Variants in FILIP1L observed in about 807,000 individuals in gnomAD.
The protein encoded by FILIP1L is filamin A interacting protein 1 like, also known as filamin A-interacting protein 1-like.
Under a neutral mutation model 96.6 loss-of-function variants are expected in FILIP1L, and 55 were observed. That is an observed-to-expected ratio of 0.57 (90% CI 0.46 to 0.71). The LOEUF is 0.71. Among genes scored for constraint, FILIP1L ranks in the 30% least tolerant of loss-of-function variants. FILIP1L has a pLI of 0.00. For missense variants in FILIP1L, 1,304 were observed against 1,321.2 expected (o/e 0.99, Z 0.20); for synonymous variants, 467 against 473.9 (o/e 0.99, Z 0.19).
At chr3:99,847,408 A>G (rs1576506797) in intron 5 of FILIP1L, among the ~76,000 whole-genome samples, 1 of 151,194 alleles carries the variant, frequency 6.6e-6, no homozygotes, top group African/African-American at 2.4e-5. Context: ...GGCTGGTTCC[A>G]GATTTGGTTG....
intron 5 of FILIP1L, among the ~76,000 whole-genome samples, chr3:99,832,733 T>TTG (rs1553686293): frequency 1.4e-5 from 2 of 146,478 alleles, no homozygotes; most frequent in Non-Finnish European, 3.0e-5. Flanking sequence ...CCCAGCTACT[T>TTG]GGAGGCTAAG....
chr3:100,026,848 A>G (rs1484139900), intron 1 of FILIP1L, among the ~76,000 whole-genome samples: 1 of 152,086 alleles, frequency 6.6e-6, no homozygotes, highest in Non-Finnish European at 1.5e-5. Flanking sequence ...GTCAGATCAC[A>G]TCGCCCCACT....
intron 1 of FILIP1L, among the ~76,000 whole-genome samples, chr3:99,963,541 T>A (rs1245906700): frequency 6.6e-6 from 1 of 152,154 alleles, no homozygotes; most frequent in East Asian, 1.9e-4. Context: ...GCGGGATATT[T>A]ACATTTTGTG....
intron 1 of FILIP1L, among the ~76,000 whole-genome samples, chr3:99,988,718 A>T (rs1709426535): frequency 6.6e-6 from 1 of 152,210 alleles, no homozygotes; most frequent in East Asian, 1.9e-4. Flanking sequence ...TCCTTTAAAC[A>T]TAAAAAAAGC....
At chr3:99,914,581 G>A (rs1198316472) in intron 4 of FILIP1L, among the ~76,000 whole-genome samples, 1 of 152,158 alleles carries the variant, frequency 6.6e-6, no homozygotes, top group Admixed American at 6.5e-5. Context: ...CTCAGGTAAA[G>A]TTATAAAGTA....
In FILIP1L at chr3:99,903,868, G is replaced by A. The variant is rs112234003; in HGVS notation, c.605+20362C>T. The stretch of plus-strand genomic sequence containing the variant: ...AGAAATAAGAAATAATAGAGCTGTC[G>A]TCCCCTGCTGCTTCATTTAATGGTA... On this transcript the variant is annotated intron_variant, in intron 4 of 5. Coordinates refer to ENST00000477258, the MANE Select transcript of FILIP1L (RefSeq NM_001387850.1). 2.0e-3 allele frequency among the ~76,000 whole-genome samples: 297 copies of A among 152,074 alleles called. 1 individual carries two copies. Among genetic ancestry groups the A allele is most frequent in the African/African-American group, 6.5e-3 (271 of 41,478 alleles).
chr3:100,031,779 C>T (rs1296226789), intron 1 of FILIP1L, among the ~76,000 whole-genome samples: 1 of 152,102 alleles, frequency 6.6e-6, no homozygotes, highest in Non-Finnish European at 1.5e-5. Context: ...GGGAAACACC[C>T]CACTAGGGCA....
chr3:100,019,223 A>G (rs909429987), intron 1 of FILIP1L, among the ~76,000 whole-genome samples: 5 of 152,296 alleles, frequency 3.3e-5, no homozygotes, highest in African/African-American at 1.2e-4. Context: ...GTAGCCTGGT[A>G]TGGTGGCACA....
At chr3:99,876,135 A>C (rs1051015971) in intron 4 of FILIP1L, 9 of 986,160 alleles carry the variant, frequency 9.1e-6, no homozygotes, top group Middle Eastern at 1.0e-3. Flanking sequence ...CCGCGCTGCG[A>C]GCCGACTGTG....
At chr3:100,063,183 C>T (rs1488488830) in intron 1 of FILIP1L, among the ~76,000 whole-genome samples, 3 of 152,116 alleles carry the variant, frequency 2.0e-5, no homozygotes, top group Non-Finnish European at 4.4e-5. Flanking sequence ...ACTTGTTGTC[C>T]ATTTAAAATC....
At chr3:99,866,652 G>A (rs1944537071) in intron 4 of FILIP1L, among the ~76,000 whole-genome samples, 1 of 152,190 alleles carries the variant, frequency 6.6e-6, no homozygotes, top group South Asian at 2.1e-4. Context: ...GAGGGTTAAT[G>A]TGTGGCTTGG....
At chr3:100,060,643 T>C (rs981586452) in intron 1 of FILIP1L, among the ~76,000 whole-genome samples, 1 of 151,762 alleles carries the variant, frequency 6.6e-6, no homozygotes, top group Non-Finnish European at 1.5e-5. Context: ...TACCTTGAGC[T>C]CACAAATTTG....
chr3:99,830,951 T>C (rs141093505), intron 5 of FILIP1L, among the ~76,000 whole-genome samples: 3 of 152,272 alleles, frequency 2.0e-5, no homozygotes, highest in African/African-American at 7.2e-5. Context: ...TCGAATGAGA[T>C]TGTCTTTAAG....
At chr3:100,038,671 C>G (rs867070136) in intron 1 of FILIP1L, among the ~76,000 whole-genome samples, 1 of 152,134 alleles carries the variant, frequency 6.6e-6, no homozygotes, top group African/African-American at 2.4e-5. Context: ...TTGTTTGTTT[C>G]TTTCTTTTTA....
chr3:99,987,366 T>TA (rs199498507), intron 1 of FILIP1L, among the ~76,000 whole-genome samples: 2,118 of 151,382 alleles, frequency 0.014, 113 homozygotes, highest in East Asian at 0.12. Context: ...TTGCCTCTAC[T>TA]AAAAATACAA....
chr3:99,844,086 A>G (rs1943256419), intron 5 of FILIP1L, among the ~76,000 whole-genome samples: 1 of 147,844 alleles, frequency 6.8e-6, no homozygotes, highest in Admixed American at 7.0e-5. Context: ...GTTTACCCTC[A>G]TGATTGTGTG....
chr3:100,078,909 G>T (rs1462115835), intron 1 of FILIP1L, among the ~76,000 whole-genome samples: 2 of 152,016 alleles, frequency 1.3e-5, no homozygotes, highest in East Asian at 1.9e-4. Flanking sequence ...CGGAAAAAAA[G>T]ATTGCAAAAA....
At chr3:99,894,841 A>G (rs889070851) in intron 4 of FILIP1L, among the ~76,000 whole-genome samples, 2 of 152,210 alleles carry the variant, frequency 1.3e-5, no homozygotes, top group Non-Finnish European at 2.9e-5. Context: ...TTATTACAGT[A>G]CGGAGTAGAG....
intron 5 of FILIP1L, among the ~76,000 whole-genome samples, chr3:99,842,124 A>G (rs1459459831): frequency 6.6e-6 from 1 of 152,214 alleles, no homozygotes; most frequent in Non-Finnish European, 1.5e-5. Flanking sequence ...AAAATGTGGT[A>G]TATATACACC....
Sources: allele counts gnomAD v4.1 joint callset (sites outside exome capture counted in the v4.1 genomes callset), GRCh38; gene constraint gnomAD v4.1.1; transcripts MANE v1.5; gene names NCBI Gene and HGNC (gene_info 2026-07-23, HGNC 2026-07-21).